TCERG1: variants seen among roughly 807,000 people sequenced by gnomAD.
TCERG1 encodes the protein TATA box binding protein (TBP)-associated factor, RNA polymerase II, S, 150kD.
Under a neutral mutation model 144.7 loss-of-function variants are expected in TCERG1, and 37 were observed. The ratio of observed to expected loss-of-function variants is 0.26; its 90% CI spans 0.20 to 0.34. The LOEUF (loss-of-function observed/expected upper bound fraction) is 0.34, where lower values mean the gene tolerates loss of function less well. Among genes scored for constraint, TCERG1 ranks in the 10% least tolerant of loss-of-function variants. TCERG1 has a pLI of 1.00. For missense variants in TCERG1, 1,027 were observed against 1,380.7 expected, an observed-to-expected ratio of 0.74 and a Z score of 4.06; for synonymous variants, 492 against 458.2, an observed-to-expected ratio of 1.07 and a Z score of -0.94.
At chr5:146,482,375 T>C (rs550653491) in intron 13 of TCERG1, 2 of 364,506 alleles carry the variant, frequency 5.5e-6, no homozygotes, top group Non-Finnish European at 9.8e-6. Flanking sequence ...TTCCTAATAA[T>C]GTAGCCATTG....
At position 146,459,051 on chromosome 5, in the gene TCERG1, AGCTCAGGCCCAGGCTCAG is replaced by A. The variant is rs749851313; in HGVS notation, c.621_638del (p.Ala237_Gln242del). 7.1e-5 allele frequency: 114 copies of A among 1,597,362 alleles called. No homozygotes were observed. In the East Asian group the frequency reaches 1.3e-3, roughly 18 times the overall value. On this transcript the variant is annotated inframe_deletion, in exon 4 of 23. Transcript: ENST00000679501. ...AGGCGCAGGCTCAGGCCCAGGCACA[AGCTCAGGCCCAGGCTCAG>A]GCTCAGGCCCAGGCCCAGGCCCAGG...
In TCERG1 at chr5:146,498,430, G is replaced by A. The variant is rs903700683; in HGVS notation, c.2283-106G>A. 12 of 1,204,028 alleles carry A rather than the reference G, an allele frequency of 1.0e-5. No individual in the cohort carries two copies. In the African/African-American group the frequency reaches 1.4e-4, roughly 14 times the overall value. 74.6% of individuals were successfully genotyped at this position (1,204,028 alleles called of 1,614,324 possible). On this transcript the variant is annotated intron_variant, in intron 16 of 22. Transcript: ENST00000679501. ...ACTGTTAGGTAGATGTTGAGTCCCA[G>A]TGTCTCTTTGTCATATACTCTTGTT...
In TCERG1 at chr5:146,470,644, G is replaced by A; in HGVS notation, c.1408G>A (p.Glu470Lys). The change falls in exon 8 of 23, where the codon GAA (glutamate) becomes AAA (lysine). Residue 470 changes from glutamate to lysine, a missense_variant. This residue lies in a region of TCERG1 where 482 missense variants were observed against 632.6 expected (regional missense o/e 0.76). Transcript: ENST00000679501. ...PQELKEKEKL[E>K]EKIKEPIKEP... ...CTTAATTTTTTTCATAGAAAAGTTA[G>A]AAGAGAAGATTAAAGAGCCAATTAA... 1 of 1,598,544 alleles carries A rather than the reference G, an allele frequency of 6.3e-7. No individual in the cohort carries two copies. Among genetic ancestry groups the A allele is most frequent in the Non-Finnish European group, 8.5e-7 (1 of 1,176,348 alleles).
intron 12 of TCERG1, 72 bp downstream of exon 12, chr5:146,480,166 T>G: frequency 1.7e-6 from 2 of 1,180,114 alleles, no homozygotes; most frequent in Non-Finnish European, 2.4e-6. Context: ...AATTTGTGAT[T>G]GGAAGGGACA....
chr5:146,493,137 C>T (rs1581534844), intron 16 of TCERG1, 99 bp downstream of exon 16: 1 of 838,374 alleles, frequency 1.2e-6, no homozygotes, highest in African/African-American at 1.8e-5. Context: ...ACTATTTGGG[C>T]ACTAAAAGCT....
intron 15 of TCERG1, among the ~76,000 whole-genome samples, chr5:146,486,984 G>A (rs567875446): frequency 1.4e-4 from 21 of 152,198 alleles, no homozygotes; most frequent in African/African-American, 5.1e-4. Context: ...CAGCTAGTTA[G>A]GTGGCTGAGG....
rs72822822 is a variant in TCERG1 at position 146,498,106 on chromosome 5, G to T, written c.2283-430G>T. On this transcript the variant is annotated intron_variant, in intron 16 of 22. Coordinates refer to ENST00000679501, the MANE Select transcript of TCERG1 (RefSeq NM_001382548.1). ...GCATTTCAGTCTTACTCTTTCTGTT[G>T]TCTACTCCTTGAAATCGGTTGCCTC... Among the ~76,000 whole-genome samples the T allele has an allele frequency of 3.6e-3, 555 of 152,070 alleles. 2 individuals are homozygous for T. Among genetic ancestry groups the T allele is most frequent in the Non-Finnish European group, 4.6e-3 (314 of 67,986 alleles).
At position 146,453,111 on chromosome 5, in the gene TCERG1, G is replaced by A. The variant is rs940218059; in HGVS notation, c.60-1945G>A. On this transcript the variant is annotated intron_variant, in intron 1 of 22. Transcript: ENST00000679501. ...ATTCTCTTTACAAAAGCACTTGGGG[G>A]AAGAGATAGATAATACTATCTCATG... 3.3e-5 allele frequency among the ~76,000 whole-genome samples: 5 copies of A among 152,130 alleles called. 1 individual carries two copies. The highest frequency in any genetic ancestry group is 1.5e-5 in the Non-Finnish European group (1 of 68,026).
chr5:146,503,709 G>A (rs948110095), intron 18 of TCERG1, 115 bp from the exon 19 acceptor site: 1 of 1,377,588 alleles, frequency 7.3e-7, no homozygotes, highest in Middle Eastern at 2.2e-4. Context: ...CAGTGTTTAG[G>A]TATATTCTGG....
At chr5:146,487,852 G>A (rs901113663) in intron 15 of TCERG1, among the ~76,000 whole-genome samples, 2 of 151,970 alleles carry the variant, frequency 1.3e-5, no homozygotes, top group African/African-American at 2.4e-5. Context: ...TTCAAAATAT[G>A]CTAGAGAGCT....
At chr5:146,476,031 CTG>C (rs1422292524) in intron 9 of TCERG1, among the ~76,000 whole-genome samples, 1 of 152,120 alleles carries the variant, frequency 6.6e-6, no homozygotes, top group African/African-American at 2.4e-5. Context: ...TTAAAATCCT[CTG>C]TAGCTTCCCT....
At chr5:146,493,679 AT>A (rs1766625245) in intron 16 of TCERG1, among the ~76,000 whole-genome samples, 1 of 152,088 alleles carries the variant, frequency 6.6e-6, no homozygotes, top group African/African-American at 2.4e-5. Flanking sequence ...AGGTAGTTTG[AT>A]TTAGGTACTT....
intron 1 of TCERG1, among the ~76,000 whole-genome samples, chr5:146,449,414 A>G (rs1315463655): frequency 6.6e-6 from 1 of 152,232 alleles, no homozygotes; most frequent in African/African-American, 2.4e-5. Flanking sequence ...TGTAAATGAA[A>G]TCAACCACAT....
intron 16 of TCERG1, among the ~76,000 whole-genome samples, chr5:146,498,225 A>G (rs1426300169): frequency 6.6e-6 from 1 of 152,018 alleles, no homozygotes; most frequent in Non-Finnish European, 1.5e-5. Context: ...GCTTCATCGC[A>G]GAGTGGAAAT....
At chr5:146,506,418 C>T (rs1767997515) in intron 19 of TCERG1, among the ~76,000 whole-genome samples, 1 of 152,110 alleles carries the variant, frequency 6.6e-6, no homozygotes, top group South Asian at 2.1e-4. Context: ...TTACGGGGTA[C>T]AGTTGCTGTT....
chr5:146,507,743 A>T lies in TCERG1; in HGVS notation c.2962-130A>T. On this transcript the variant is annotated intron_variant, in intron 20 of 22. Transcript: ENST00000679501. This position sits in a 1 kb window ranked among gnomAD's most constrained non-coding sequence, Gnocchi z 4.6. Reference sequence around the variant, plus strand: ...TAACGCTGCTTCCCTGTCCCTAACTAGTCCAGTTACGCTTGGGCATTACAA... The same window carrying T: ...TAACGCTGCTTCCCTGTCCCTAACTTGTCCAGTTACGCTTGGGCATTACAA... The T allele has an allele frequency of 1.8e-6, 1 of 560,176 alleles. No individual in the cohort carries two copies. The highest frequency in any genetic ancestry group is 3.1e-6 in the Non-Finnish European group (1 of 326,894). The allele number at this position is 560,176 out of a possible 1,614,324, so 34.7% of individuals were successfully genotyped here. A position where few individuals can be genotyped will look rare whatever the true frequency, so the allele number is the denominator to read the frequency against.
rs541294429 is a variant in TCERG1 at position 146,509,514 on chromosome 5, C to A, written c.3146+269C>A. On this transcript the variant is annotated intron_variant, in intron 22 of 22. Coordinates refer to ENST00000679501, the MANE Select transcript of TCERG1 (RefSeq NM_001382548.1). ...TACCTTTTTTTTTTTTTTACTTCAC[C>A]GCTTTTTTTAGGAATACCCTCAACT... Among the ~76,000 whole-genome samples, 11 of 149,418 alleles carry A rather than the reference C, an allele frequency of 7.4e-5. No individual in the cohort carries two copies. The South Asian group carries it at 1.3e-3, about 17-fold the overall frequency.
intron 3 of TCERG1, among the ~76,000 whole-genome samples, chr5:146,457,990 C>T (rs2150246795): frequency 6.6e-6 from 1 of 152,206 alleles, no homozygotes; most frequent in East Asian, 1.9e-4. Context: ...GCTGGAGTTA[C>T]AGGCACCTGC....
At chr5:146,460,607 AAG>A (rs370831072) in intron 4 of TCERG1, among the ~76,000 whole-genome samples, 40 of 152,260 alleles carry the variant, frequency 2.6e-4, no homozygotes, top group African/African-American at 8.4e-4. Flanking sequence ...AAATACGTAT[AAG>A]AGAGAAATTA....
Sources: gnomAD v4.1 joint callset for allele counts (sites outside exome capture counted in the v4.1 genomes callset) on GRCh38, gnomAD v4.1.1 for gene constraint, gnomAD v4.1.1 regional missense constraint, Gnocchi (gnomAD v3.1) non-coding constraint, MANE v1.5 for transcripts, NCBI Gene and HGNC (gene_info 2026-07-23, HGNC 2026-07-21) for gene names.